Variants in GJB7 observed in about 807,000 individuals in gnomAD.
GJB7 encodes gap junction protein beta 7.
For synonymous variants in GJB7, 87 were observed against 95.2 expected (o/e 0.91, Z 0.50); for missense variants, 253 against 256.8 (o/e 0.99, Z 0.10).
intron 2 of GJB7, among the ~76,000 whole-genome samples, chr6:87,316,814 T>C (rs2098991215): frequency 6.6e-6 from 1 of 152,202 alleles, no homozygotes; most frequent in African/African-American, 2.4e-5. Context: ...CATGTTCCAT[T>C]TTATTATCCA....
At chr6:87,294,503 A>T (rs1214004750) in intron 2 of GJB7, among the ~76,000 whole-genome samples, 1 of 152,272 alleles carries the variant, frequency 6.6e-6, no homozygotes, top group African/African-American at 2.4e-5. Flanking sequence ...TGATGGAGGT[A>T]TAAGCACTAT....
chr6:87,302,504 G>A (rs1776348279), intron 2 of GJB7, among the ~76,000 whole-genome samples: 1 of 152,294 alleles, frequency 6.6e-6, no homozygotes. Context: ...AATGAACAAA[G>A]CCTCCAAGAA....
intron 2 of GJB7, among the ~76,000 whole-genome samples, chr6:87,310,500 A>T (rs566000663): frequency 6.6e-6 from 1 of 152,086 alleles, no homozygotes; most frequent in African/African-American, 2.4e-5. Flanking sequence ...GAAAACATAA[A>T]CAAGTGTGGG....
At chr6:87,296,954 A>C (rs1372639107) in intron 2 of GJB7, among the ~76,000 whole-genome samples, 1 of 152,242 alleles carries the variant, frequency 6.6e-6, no homozygotes, top group East Asian at 1.9e-4. Context: ...AAGCTAATGA[A>C]GTTTAAGCTT....
At chr6:87,318,575 A>G (rs1388293646) in intron 2 of GJB7, among the ~76,000 whole-genome samples, 2 of 152,112 alleles carry the variant, frequency 1.3e-5, no homozygotes, top group Non-Finnish European at 2.9e-5. Flanking sequence ...TAGCTGGAGT[A>G]TGTTTACCAG....
chr6:87,328,983 G>A (rs141397477), intron 1 of GJB7, among the ~76,000 whole-genome samples, 155 bp downstream of exon 1: 1 of 152,218 alleles, frequency 6.6e-6, no homozygotes, highest in African/African-American at 2.4e-5. Context: ...CGTCGGAAAA[G>A]CGCAGGATTC....
At chr6:87,308,997 A>G (rs1394158480) in intron 2 of GJB7, among the ~76,000 whole-genome samples, 6 of 152,228 alleles carry the variant, frequency 3.9e-5, no homozygotes, top group Non-Finnish European at 8.8e-5. Context: ...GATATTATGA[A>G]TCATCTGTAA....
chr6:87,284,255 C>T lies in GJB7; in HGVS notation c.658G>A (p.Val220Ile). The T allele has an allele frequency of 6.2e-7, 1 of 1,613,242 alleles. No homozygotes were observed. The highest frequency in any genetic ancestry group is 1.3e-5 in the African/African-American group (1 of 74,874). Residue 220 changes from valine to isoleucine, a missense_variant, in exon 3 of 3, where the codon GTC becomes ATC. Val to Ile is a conservative substitution (Grantham distance 29). Transcript: ENST00000525899. Reference protein sequence around the residue: ...CLQKYLKKPQVLSV With the variant: ...CLQKYLKKPQILSV Reference sequence around the variant, plus strand: ...GGCTGTGGCACTCACACACTGAGGACTTGAGGTTTTTTTAAATATTTTTGG... The same window carrying T: ...GGCTGTGGCACTCACACACTGAGGATTTGAGGTTTTTTTAAATATTTTTGG...
At chr6:87,302,169 C>T (rs1044828459) in intron 2 of GJB7, among the ~76,000 whole-genome samples, 12 of 152,184 alleles carry the variant, frequency 7.9e-5, no homozygotes, top group African/African-American at 2.7e-4. Context: ...TGCAACAAAG[C>T]TGGATGGAGA....
intron 1 of GJB7, among the ~76,000 whole-genome samples, chr6:87,323,364 G>C (rs544569531): frequency 2.0e-5 from 3 of 151,922 alleles, no homozygotes; most frequent in African/African-American, 7.3e-5. Flanking sequence ...ATGCTGGTGC[G>C]ATGCACCCAC....
At chr6:87,304,681 C>T (rs1468591925) in intron 2 of GJB7, among the ~76,000 whole-genome samples, 2 of 152,120 alleles carry the variant, frequency 1.3e-5, no homozygotes, top group African/African-American at 2.4e-5. Flanking sequence ...TTTATGAGGC[C>T]AGCCCCATCC....
At position 87,284,381 on chromosome 6, in the gene GJB7, T is replaced by C. The variant is rs779089840; in HGVS notation, c.532A>G (p.Ile178Val). The C allele has an allele frequency of 1.1e-5, 17 of 1,614,016 alleles. 1 individual carries two copies. In the Admixed American group the frequency reaches 1.3e-4, roughly 13 times the overall value. ...GTGATGACCAAGAAGAGGATGAAGATCGTCTTCTCAGTGGGTTTGGAGATG... is the reference window on the plus strand; with the variant it reads ...GTGATGACCAAGAAGAGGATGAAGACCGTCTTCTCAGTGGGTTTGGAGATG... ...CFISKPTEKT[I>V]FILFLVITSC... is the part of the protein sequence containing the mutation. The change falls in exon 3 of 3, where the codon ATC becomes GTC. Residue 178 changes from isoleucine to valine, a missense_variant. By Grantham distance (29) the Ile-to-Val change is conservative (BLOSUM62 3). Coordinates refer to ENST00000525899, the MANE Select transcript of GJB7 (RefSeq NM_198568.3).
At chr6:87,323,127 C>T (rs1321766814) in intron 1 of GJB7, 84 bp from the exon 2 acceptor site, 2 of 149,308 alleles carry the variant, frequency 1.3e-5, no homozygotes, top group African/African-American at 5.2e-5. Flanking sequence ...AAGCCTTCGG[C>T]ACCGAACAGT....
intron 2 of GJB7, among the ~76,000 whole-genome samples, chr6:87,319,683 T>C (rs541102658): frequency 6.6e-6 from 1 of 152,288 alleles, no homozygotes; most frequent in Admixed American, 6.5e-5. Context: ...GGTATATACC[T>C]AAAAGAAAGG....
intron 2 of GJB7, among the ~76,000 whole-genome samples, chr6:87,310,229 G>T (rs1282119911): frequency 1.3e-5 from 2 of 152,022 alleles, no homozygotes; most frequent in African/African-American, 4.8e-5. Flanking sequence ...TAACAAAGAA[G>T]AATATCTTCA....
intron 2 of GJB7, chr6:87,299,394 A>T (rs1255182810): frequency 8.1e-6 from 4 of 492,920 alleles, no homozygotes; most frequent in Non-Finnish European, 1.6e-5. Flanking sequence ...AAATTATTAA[A>T]GGCATAAAGT....
chr6:87,316,550 G>C (rs1776587332), intron 2 of GJB7, among the ~76,000 whole-genome samples: 1 of 152,028 alleles, frequency 6.6e-6, no homozygotes, highest in Admixed American at 6.6e-5. Context: ...GACATGATTA[G>C]ATGTATATTT....
intron 2 of GJB7, among the ~76,000 whole-genome samples, chr6:87,306,883 G>A (rs990351989): frequency 6.6e-5 from 10 of 152,146 alleles, no homozygotes; most frequent in Non-Finnish European, 1.5e-4. Context: ...TAGGGACATG[G>A]ATGAATTGGA....
chr6:87,310,708 A>G (rs1177862023), intron 2 of GJB7, among the ~76,000 whole-genome samples: 1 of 152,220 alleles, frequency 6.6e-6, no homozygotes, highest in Non-Finnish European at 1.5e-5. Context: ...GAGAAGCTCA[A>G]TCAAAGCCAA....
Sources: allele counts gnomAD v4.1 joint callset (sites outside exome capture counted in the v4.1 genomes callset), GRCh38; gene constraint gnomAD v4.1.1; transcripts MANE v1.5; gene names NCBI Gene and HGNC (gene_info 2026-07-23, HGNC 2026-07-21).